The following ABCA13 variants were observed in gnomAD, a reference collection of about 807,000 sequenced individuals.
The protein encoded by ABCA13 is ATP binding cassette subfamily A member 13, also known as ATP-binding cassette sub-family A member 13.
Under a neutral mutation model 478.7 loss-of-function variants are expected in ABCA13, and 476 were observed. That is an observed-to-expected ratio of 0.99 (90% CI 0.92 to 1.07). The LOEUF (loss-of-function observed/expected upper bound fraction) is 1.07. Ranked by LOEUF, ABCA13 falls within the 50% of genes least tolerant of loss-of-function variation. ABCA13 has a pLI of 0.00. For synonymous variants in ABCA13, 2,252 were observed against 2,158.9 expected (o/e 1.04, Z -1.20); for missense variants, 6,060 against 5,910.6 (o/e 1.03, Z -0.83).
At chr7:48,246,164 T>G in intron 13 of ABCA13, 134 bp downstream of exon 13, 1 of 933,366 alleles carries the variant, frequency 1.1e-6, no homozygotes, top group Non-Finnish European at 1.5e-6. Context: ...GGAAGCTGGC[T>G]CTCTGAACTC....
intron 56 of ABCA13, among the ~76,000 whole-genome samples, chr7:48,584,574 A>G (rs769418627): frequency 1.3e-4 from 20 of 152,114 alleles, no homozygotes; most frequent in Non-Finnish European, 2.5e-4. Flanking sequence ...CCTCGATGGA[A>G]TGGCATGCTG....
At chr7:48,556,272 A>T (rs556925782) in intron 55 of ABCA13, among the ~76,000 whole-genome samples, 34 of 151,984 alleles carry the variant, frequency 2.2e-4, no homozygotes, top group Non-Finnish European at 4.4e-4. Context: ...GAGAATATAT[A>T]TTCTGAAGCT....
chr7:48,179,605 C>T (rs1018542588), intron 1 of ABCA13, among the ~76,000 whole-genome samples: 1 of 152,166 alleles, frequency 6.6e-6, no homozygotes, highest in African/African-American at 2.4e-5. Flanking sequence ...GGAAAATAAC[C>T]ATTCTTTAGG....
At chr7:48,245,407 T>TA (rs1232663341) in intron 11 of ABCA13, 105 bp from the exon 12 acceptor site, 9 of 857,496 alleles carry the variant, frequency 1.0e-5, no homozygotes, top group Non-Finnish European at 5.3e-6. Flanking sequence ...GTCAAGTTTT[T>TA]AAAAAATCCA....
At chr7:48,621,399 C>T (rs73329903) in intron 59 of ABCA13, among the ~76,000 whole-genome samples, 3,373 of 152,234 alleles carry the variant, frequency 0.022, 134 homozygotes, top group African/African-American at 0.075. Context: ...TTGCGATATG[C>T]TCAAGTATCC....
At chr7:48,250,305 G>C (rs1457561308) in intron 15 of ABCA13, among the ~76,000 whole-genome samples, 1 of 152,086 alleles carries the variant, frequency 6.6e-6, no homozygotes, top group Admixed American at 6.5e-5. Context: ...CCTTATGTAG[G>C]CATGATATAT....
chr7:48,179,022 A>G (rs915671176), intron 1 of ABCA13, among the ~76,000 whole-genome samples: 23 of 147,642 alleles, frequency 1.6e-4, no homozygotes, highest in African/African-American at 5.7e-4. Flanking sequence ...TAATAATAAT[A>G]AAAACAAAGA....
chr7:48,304,330 A>G (rs903519589), intron 23 of ABCA13, among the ~76,000 whole-genome samples: 2 of 152,210 alleles, frequency 1.3e-5, no homozygotes, highest in African/African-American at 2.4e-5. Context: ...GACAGCAGCC[A>G]TGGCCTCACT....
chr7:48,640,052 AAT>A (rs1470370619), intron 59 of ABCA13, among the ~76,000 whole-genome samples: 4 of 152,238 alleles, frequency 2.6e-5, no homozygotes, highest in Admixed American at 2.0e-4. Flanking sequence ...TCTGACTGTA[AAT>A]ATGTGCAAAC....
In ABCA13 at chr7:48,511,195, T is replaced by G. The variant is rs779396324; in HGVS notation, c.13636T>G (p.Phe4546Val). 3.2e-5 allele frequency: 51 copies of G among 1,610,014 alleles called. 1 individual carries two copies. In the South Asian group the frequency reaches 5.3e-4, roughly 17 times the overall value. Residue 4546 changes from phenylalanine to valine, a missense_variant, in exon 51 of 62, where the codon TTC becomes GTC. Physicochemically the swap from Phe to Val is conservative, Grantham distance 50. Coordinates refer to ENST00000435803, the MANE Select transcript of ABCA13 (RefSeq NM_152701.5). Reference sequence around the variant, plus strand: ...AGCCACGGCCCTCCTGCTGTCACTTTTCGGGTATGTGATGAGAAACGCTGC... The same window carrying G: ...AGCCACGGCCCTCCTGCTGTCACTTGTCGGGTATGTGATGAGAAACGCTGC... ...LAATALLLSL[F>V]GYATLPWMYL...
At chr7:48,280,921 T>A (rs1453933903) in intron 18 of ABCA13, among the ~76,000 whole-genome samples, 2 of 152,200 alleles carry the variant, frequency 1.3e-5, no homozygotes, top group Non-Finnish European at 2.9e-5. Context: ...TTCTCTGAAT[T>A]GTCTTTTGAG....
chr7:48,550,811 T>TC (rs1433412644), intron 55 of ABCA13, among the ~76,000 whole-genome samples: 1 of 151,316 alleles, frequency 6.6e-6, no homozygotes, highest in Non-Finnish European at 1.5e-5. Flanking sequence ...CCATGTTATG[T>TC]CACCTCCCCA....
intron 38 of ABCA13, among the ~76,000 whole-genome samples, chr7:48,402,135 T>C (rs930116326): frequency 1.3e-5 from 2 of 152,054 alleles, no homozygotes; most frequent in Admixed American, 6.5e-5. Flanking sequence ...GGGTGCACAA[T>C]GAGGCAGCAG....
At chr7:48,307,749 C>T (rs886513135) in intron 23 of ABCA13, among the ~76,000 whole-genome samples, 5 of 152,098 alleles carry the variant, frequency 3.3e-5, no homozygotes, top group African/African-American at 9.7e-5. Context: ...GGCACAATCT[C>T]GGCTCACTGT....
chr7:48,248,606 G>A (rs1792059831), intron 14 of ABCA13, among the ~76,000 whole-genome samples, 162 bp downstream of exon 14: 1 of 152,160 alleles, frequency 6.6e-6, no homozygotes, highest in African/African-American at 2.4e-5. Flanking sequence ...CTGTTGGAAA[G>A]CATCTAATAA....
At chr7:48,327,371 C>T (rs1464098985) in intron 27 of ABCA13, among the ~76,000 whole-genome samples, 2 of 152,152 alleles carry the variant, frequency 1.3e-5, no homozygotes, top group African/African-American at 2.4e-5. Flanking sequence ...TTAATTACCT[C>T]CCACCATGTT....
At chr7:48,388,629 A>G (rs142479532) in intron 36 of ABCA13, among the ~76,000 whole-genome samples, 65 of 152,350 alleles carry the variant, frequency 4.3e-4, no homozygotes, top group African/African-American at 1.5e-3. Flanking sequence ...TAAACAATCT[A>G]AATATTTTTC....
chr7:48,441,353 A>AAAGATT (rs1372848133), intron 42 of ABCA13, among the ~76,000 whole-genome samples: 2 of 152,194 alleles, frequency 1.3e-5, no homozygotes, highest in African/African-American at 4.8e-5. Flanking sequence ...TGGTGCCCTC[A>AAAGATT]AAGATTACTC....
chr7:48,292,029 A>G (rs1405390824), intron 20 of ABCA13, among the ~76,000 whole-genome samples: 4 of 152,114 alleles, frequency 2.6e-5, no homozygotes, highest in Non-Finnish European at 4.4e-5. Context: ...CTCACATGCT[A>G]GGGAATCTTA....
Sources: allele counts gnomAD v4.1 joint callset (sites outside exome capture counted in the v4.1 genomes callset), GRCh38; gene constraint gnomAD v4.1.1; transcripts MANE v1.5; gene names NCBI Gene and HGNC (gene_info 2026-07-23, HGNC 2026-07-21).